Variants in UBXN2A observed in about 807,000 individuals in gnomAD.
UBXN2A encodes UBX domain-containing protein 2A.
A neutral mutation model predicts 28.4 loss-of-function variants in UBXN2A; 28 were observed. The observed-to-expected ratio is 0.99, with a 90% confidence interval of 0.73 to 1.35. The LOEUF is 1.35. UBXN2A is among the 40% of genes most tolerant of loss of function. The probability of loss-of-function intolerance (pLI) is 0.00; values close to 1 mark genes in which losing one functional copy is unlikely to be tolerated. For synonymous variants in UBXN2A, 97 were observed against 103.6 expected (o/e 0.94, Z 0.39); for missense variants, 253 against 297.9 (o/e 0.85, Z 1.11).
intron 1 of UBXN2A, among the ~76,000 whole-genome samples, chr2:23,954,602 C>T (rs1350684870): frequency 6.6e-6 from 1 of 152,056 alleles, no homozygotes; most frequent in African/African-American, 2.4e-5. Flanking sequence ...AATAGCCATC[C>T]TAGTGGGTGT....
chr2:23,995,986 C>T (rs941644649), intron 6 of UBXN2A, among the ~76,000 whole-genome samples: 5 of 151,954 alleles, frequency 3.3e-5, no homozygotes, highest in Admixed American at 3.3e-4. Context: ...ACCTGCACCA[C>T]CTCCCAGGTT....
At chr2:23,942,031 G>A (rs1387199529) in intron 1 of UBXN2A, among the ~76,000 whole-genome samples, 1 of 152,194 alleles carries the variant, frequency 6.6e-6, no homozygotes, top group Non-Finnish European at 1.5e-5. Flanking sequence ...AGTGAGCCAA[G>A]ATGGTGCCAC....
intron 1 of UBXN2A, among the ~76,000 whole-genome samples, chr2:23,949,949 G>A (rs1467136576): frequency 6.6e-6 from 1 of 152,038 alleles, no homozygotes; most frequent in Non-Finnish European, 1.5e-5. Context: ...TTGTACAGTA[G>A]TAAAGTCAGA....
chr2:23,941,557 G>A (rs1332041717), intron 1 of UBXN2A, among the ~76,000 whole-genome samples: 1 of 152,210 alleles, frequency 6.6e-6, no homozygotes, highest in Non-Finnish European at 1.5e-5. Context: ...GTTAATGGAA[G>A]CTCACACTTA....
rs1418325994 is a variant in UBXN2A, at chr2:23,971,415, G to C, written c.180+1G>C. 1 of 1,530,790 alleles carries C rather than the reference G, an allele frequency of 6.5e-7. No individual in the cohort carries two copies. 94.8% of individuals were successfully genotyped at this position (1,530,790 alleles called of 1,614,324 possible). ...GTCTCCCGCTGAACAGAAGAAACAG[G>C]TAAATAAATGTCTATTACTTTTCTT... On this transcript the variant is annotated splice_donor_variant, in intron 3 of 6. Transcript: ENST00000309033. LOFTEE classifies it high-confidence loss of function.
intron 1 of UBXN2A, among the ~76,000 whole-genome samples, chr2:23,942,748 A>G (rs1292162132): frequency 6.6e-6 from 1 of 151,384 alleles, no homozygotes; most frequent in Non-Finnish European, 1.5e-5. Flanking sequence ...AATGTTAAGG[A>G]TTTGGGACCA....
rs1431370302 is a variant in UBXN2A at position 23,994,390 on chromosome 2, G to A, written c.585-5282G>A. ...GGCCAGTATTGATGGAAATGTTCTC[G>A]TATTTTATTCTCTTTTGTCTTTGGC... On this transcript the variant is annotated intron_variant, in intron 6 of 6. Transcript: ENST00000309033. 5.3e-5 allele frequency among the ~76,000 whole-genome samples: 8 copies of A among 152,030 alleles called. No individual in the cohort carries two copies. The East Asian group carries it at 7.7e-4, about 15-fold the overall frequency.
Position 23,955,089 on chromosome 2 carries a change from C to T in UBXN2A, c.-14-3212C>T, listed in dbSNP as rs563174792. On this transcript the variant is annotated intron_variant, in intron 1 of 6. Transcript: ENST00000309033. ...CTGGGATTACAGGCATGCACCGCCA[C>T]GCCCAGCTAATTTTTGTATTTTTAG... Among the ~76,000 whole-genome samples, 14 of 152,058 alleles carry T rather than the reference C, an allele frequency of 9.2e-5. No individual in the cohort carries two copies. In the East Asian group the frequency reaches 2.3e-3, roughly 25 times the overall value.
chr2:23,943,007 G>T (rs1705845890), intron 1 of UBXN2A, among the ~76,000 whole-genome samples: 1 of 151,100 alleles, frequency 6.6e-6, no homozygotes, highest in South Asian at 2.1e-4. Flanking sequence ...ACAGGCAGGA[G>T]TGCTGTGGTG....
At chr2:23,949,748 G>A (rs1474747483) in intron 1 of UBXN2A, among the ~76,000 whole-genome samples, 4 of 151,662 alleles carry the variant, frequency 2.6e-5, no homozygotes, top group Non-Finnish European at 5.9e-5. Flanking sequence ...GGTGGCACAT[G>A]CCAGTAATCC....
intron 1 of UBXN2A, among the ~76,000 whole-genome samples, chr2:23,951,751 G>A (rs1431822968): frequency 3.9e-5 from 6 of 151,952 alleles, no homozygotes; most frequent in Non-Finnish European, 8.8e-5. Context: ...ATGAGTCACT[G>A]TACCATTTTA....
At chr2:23,958,270 C>G (rs763663893) in intron 1 of UBXN2A, 31 bp from the exon 2 acceptor site, 4 of 1,559,748 alleles carry the variant, frequency 2.6e-6, no homozygotes, top group Non-Finnish European at 3.5e-6. Flanking sequence ...TACTTACTTT[C>G]TTTTTACTTA....
At chr2:23,975,404 TAAAAA>T (rs534408395) in intron 3 of UBXN2A, among the ~76,000 whole-genome samples, 217 of 152,126 alleles carry the variant, frequency 1.4e-3, no homozygotes, top group Non-Finnish European at 2.3e-3. Context: ...GTTTGGTTAT[TAAAAA>T]AAACATTTCA....
At chr2:23,954,496 A>C (rs1040122810) in intron 1 of UBXN2A, among the ~76,000 whole-genome samples, 1 of 152,064 alleles carries the variant, frequency 6.6e-6, no homozygotes, top group Non-Finnish European at 1.5e-5. Flanking sequence ...TTTCCTCAGC[A>C]GCTGCAGTAT....
intron 1 of UBXN2A, among the ~76,000 whole-genome samples, chr2:23,945,426 A>G (rs1706019096): frequency 6.6e-6 from 1 of 152,210 alleles, no homozygotes; most frequent in South Asian, 2.1e-4. Flanking sequence ...GAATTCACAA[A>G]ATATACAAAT....
In UBXN2A at chr2:23,999,729, G is replaced by A. The variant is rs370445771; in HGVS notation, c.642G>A (p.Pro214=). The A allele has an allele frequency of 5.1e-5, 82 of 1,613,942 alleles. No homozygotes were observed. Among genetic ancestry groups the A allele is most frequent in the Admixed American group, 1.5e-4 (9 of 59,956 alleles). ...ACCAAGGATCTCAAAGAAGTCCTCC[G>A]TTTTCCCTGGCAACAGCTCTTCCTG... ...EKYQGSQRSP[P]FSLATALPVL... Residue 214 remains proline, a synonymous_variant, in exon 7 of 7, where the codon CCG becomes CCA. Coordinates refer to ENST00000309033, the MANE Select transcript of UBXN2A (RefSeq NM_181713.4).
chr2:23,939,582 C>T (rs915349545), upstream of UBXN2A: 2 of 152,726 alleles, frequency 1.3e-5, no homozygotes, highest in Non-Finnish European at 2.9e-5. Context: ...GGCTGAGGCT[C>T]GGTCACCGTG....
At chr2:23,931,204 T>C (rs1000660350) in intron 1 of UBXN2A, among the ~76,000 whole-genome samples, 1 of 151,058 alleles carries the variant, frequency 6.6e-6, no homozygotes, top group Non-Finnish European at 1.5e-5. Context: ...CCCCAGCACT[T>C]TGGGGGCCAA....
intron 2 of UBXN2A, among the ~76,000 whole-genome samples, chr2:23,962,584 T>G (rs1706975973): frequency 6.7e-6 from 1 of 150,140 alleles, no homozygotes; most frequent in African/African-American, 2.4e-5. Flanking sequence ...AAGTAAGAGG[T>G]TTTTTTTTCC....
Sources: allele counts gnomAD v4.1 joint callset (sites outside exome capture counted in the v4.1 genomes callset), GRCh38; gene constraint gnomAD v4.1.1; transcripts MANE v1.5; gene names NCBI Gene and HGNC (gene_info 2026-07-23, HGNC 2026-07-21).